The following BCL2 variants were observed in gnomAD, a reference collection of about 807,000 sequenced individuals.
The protein encoded by BCL2 is apoptosis regulator Bcl-2.
A neutral mutation model predicts 14.2 loss-of-function variants in BCL2; 1 was observed. The observed-to-expected ratio is 0.07, with a 90% CI of 0.02 to 0.33. The LOEUF (loss-of-function observed/expected upper bound fraction) is 0.33, where lower values mean the gene tolerates loss of function less well. BCL2 is among the 10% of genes least tolerant of loss of function. BCL2 has a pLI of 0.99. For missense variants in BCL2, 247 were observed against 305.9 expected, an observed-to-expected ratio of 0.81 and a Z score of 1.44; for synonymous variants, 151 against 137.2, an observed-to-expected ratio of 1.10 and a Z score of -0.70.
chr18:63,191,816 G>A (rs1281480221), intron 2 of BCL2, among the ~76,000 whole-genome samples: 1 of 152,218 alleles, frequency 6.6e-6, no homozygotes, highest in Admixed American at 6.5e-5. Flanking sequence ...ACTGTTGCAT[G>A]TGATTAATTA....
chr18:63,159,234 A>G (rs17070750), intron 2 of BCL2, among the ~76,000 whole-genome samples: 9,661 of 152,286 alleles, frequency 0.063, 390 homozygotes, highest in East Asian at 0.11. Flanking sequence ...GCAAACCGAC[A>G]CAGAGCAAAC....
intron 2 of BCL2, among the ~76,000 whole-genome samples, chr18:63,275,286 G>A (rs1443665943): frequency 2.0e-5 from 3 of 151,504 alleles, no homozygotes; most frequent in Non-Finnish European, 4.4e-5. Context: ...GTAACTTGAA[G>A]ACCAGTGAGT....
At chr18:63,259,450 G>A (rs1293208088) in intron 2 of BCL2, among the ~76,000 whole-genome samples, 1 of 152,282 alleles carries the variant, frequency 6.6e-6, no homozygotes, top group African/African-American at 2.4e-5. Flanking sequence ...AGCAGTGCCA[G>A]GTGGGTGAAA....
chr18:63,183,881 C>T (rs186045146), intron 2 of BCL2, among the ~76,000 whole-genome samples: 1 of 152,314 alleles, frequency 6.6e-6, no homozygotes, highest in Admixed American at 6.5e-5. Context: ...AATAACCACA[C>T]ACCTCTCTCA....
intron 2 of BCL2, among the ~76,000 whole-genome samples, chr18:63,144,100 C>G (rs1395369754): frequency 6.6e-6 from 1 of 152,194 alleles, no homozygotes; most frequent in Admixed American, 6.5e-5. Flanking sequence ...GAGGAAACCC[C>G]TTGGCCAATC....
intron 2 of BCL2, among the ~76,000 whole-genome samples, chr18:63,253,390 T>C (rs1284274549): frequency 1.3e-5 from 2 of 152,222 alleles, no homozygotes; most frequent in Middle Eastern, 3.2e-3. Flanking sequence ...TCTAAGTAGT[T>C]AATAATCAAT....
chr18:63,169,310 TCC>T (rs1915143554), intron 2 of BCL2, among the ~76,000 whole-genome samples: 8 of 54,022 alleles, frequency 1.5e-4, no homozygotes, highest in Non-Finnish European at 2.3e-4. Flanking sequence ...CTTTCTTTCT[TCC>T]TTCCTTCCTT....
At chr18:63,299,960 T>TC (rs565018525) in intron 2 of BCL2, among the ~76,000 whole-genome samples, 1 of 151,902 alleles carries the variant, frequency 6.6e-6, no homozygotes, top group African/African-American at 2.4e-5. Flanking sequence ...CAGGAGACTG[T>TC]CCCCCCCAAG....
chr18:63,263,919 G>A (rs906477857), intron 2 of BCL2, among the ~76,000 whole-genome samples: 1 of 152,120 alleles, frequency 6.6e-6, no homozygotes, highest in African/African-American at 2.4e-5. Flanking sequence ...TCTGCTTCCC[G>A]GGTTTAAGCG....
At chr18:63,188,385 A>T (rs1210838947) in intron 2 of BCL2, among the ~76,000 whole-genome samples, 2 of 152,202 alleles carry the variant, frequency 1.3e-5, no homozygotes, top group East Asian at 3.9e-4. Flanking sequence ...AGGTTTAGAG[A>T]AAATATAAGT....
At chr18:63,272,737 A>G (rs1912039509) in intron 2 of BCL2, among the ~76,000 whole-genome samples, 1 of 152,260 alleles carries the variant, frequency 6.6e-6, no homozygotes, top group African/African-American at 2.4e-5. Context: ...GATCATAAAT[A>G]CACACACAGC....
At chr18:63,241,538 G>A (rs1381580137) in intron 2 of BCL2, among the ~76,000 whole-genome samples, 1 of 152,170 alleles carries the variant, frequency 6.6e-6, no homozygotes, top group Admixed American at 6.5e-5. Context: ...AGGTCATGCT[G>A]AACTTGACAC....
intron 2 of BCL2, among the ~76,000 whole-genome samples, chr18:63,248,985 T>C (rs1258896484): frequency 6.6e-6 from 1 of 152,192 alleles, no homozygotes; most frequent in Non-Finnish European, 1.5e-5. Flanking sequence ...ATAATTCTGA[T>C]TCCATGAAGA....
chr18:63,135,395 G>T (rs1235941413), intron 2 of BCL2, among the ~76,000 whole-genome samples: 1 of 152,168 alleles, frequency 6.6e-6, no homozygotes, highest in African/African-American at 2.4e-5. Context: ...GAAATTCATG[G>T]TCTCTAAACT....
intron 2 of BCL2, among the ~76,000 whole-genome samples, chr18:63,140,805 CTATATCCCA>C (rs967064099): frequency 6.6e-6 from 1 of 152,174 alleles, no homozygotes; most frequent in Non-Finnish European, 1.5e-5. Flanking sequence ...GGCACGTGAA[CTATATCCCA>C]ATAAAAGAGC....
At chr18:63,187,424 G>A (rs919303085) in intron 2 of BCL2, among the ~76,000 whole-genome samples, 1 of 152,076 alleles carries the variant, frequency 6.6e-6, no homozygotes, top group African/African-American at 2.4e-5. Flanking sequence ...TGCACATGCC[G>A]TTCTCTCTAC....
chr18:63,169,391 TTCTTTCTTTCTTTTTCTTTC>T (rs1915165242), intron 2 of BCL2, among the ~76,000 whole-genome samples: 1 of 99,402 alleles, frequency 1.0e-5, no homozygotes, highest in African/African-American at 5.0e-5. Flanking sequence ...TTCTTTCTTT[TTCTTTCTTTCTTTTTCTTTC>T]TCTCTCTCTC....
At chr18:63,188,168 A>G (rs548775569) in intron 2 of BCL2, among the ~76,000 whole-genome samples, 89 of 152,356 alleles carry the variant, frequency 5.8e-4, no homozygotes, top group African/African-American at 2.1e-3. Flanking sequence ...TTAAGCAGCT[A>G]TCTGTCTTAC....
intron 2 of BCL2, among the ~76,000 whole-genome samples, chr18:63,181,456 C>A (rs557574943): frequency 6.6e-6 from 1 of 152,156 alleles, no homozygotes; most frequent in Non-Finnish European, 1.5e-5. Context: ...AAGCACTGGC[C>A]GTCAGAATCA....
Sources: allele counts gnomAD v4.1 joint callset (sites outside exome capture counted in the v4.1 genomes callset), GRCh38; gene constraint gnomAD v4.1.1; transcripts MANE v1.5; gene names NCBI Gene and HGNC (gene_info 2026-07-23, HGNC 2026-07-21).